The following CGA variants were observed in gnomAD, a reference collection of about 807,000 sequenced individuals.
The protein encoded by CGA is glycoprotein hormones alpha chain.
A neutral mutation model predicts 12.0 loss-of-function variants in CGA; 4 were observed. The ratio of observed to expected loss-of-function variants is 0.33; its 90% CI spans 0.16 to 0.76. CGA has a LOEUF of 0.76. CGA is among the 30% of genes least tolerant of loss of function. CGA has a pLI of 0.60. For missense variants in CGA, 102 were observed against 143.5 expected (o/e 0.71, Z 1.48); for synonymous variants, 60 against 56.6 (o/e 1.06, Z -0.27).
chr6:87,088,388 T>A lies in CGA; in HGVS notation c.-7-181A>T, dbSNP rs537698082. ...CCATGTAATTTTTTTTAAAAAAAGTTCTCCTTAGGAAAGAGATAGATAACT... is the reference window on the plus strand; with the variant it reads ...CCATGTAATTTTTTTTAAAAAAAGTACTCCTTAGGAAAGAGATAGATAACT... On this transcript the variant is annotated intron_variant, in intron 1 of 3. Coordinates refer to ENST00000627148, the MANE Select transcript of CGA (RefSeq NM_000735.4). Among the ~76,000 whole-genome samples the A allele has an allele frequency of 7.9e-5, 12 of 152,206 alleles. No homozygotes were observed. In the South Asian group the frequency reaches 2.1e-3, roughly 26 times the overall value.
At chr6:87,090,575 C>T (rs890074203) in intron 1 of CGA, among the ~76,000 whole-genome samples, 1 of 151,370 alleles carries the variant, frequency 6.6e-6, no homozygotes, top group Admixed American at 6.6e-5. Flanking sequence ...AGCATAATCA[C>T]TAAGCCATTA....
At position 87,086,233 on chromosome 6, in the gene CGA, G is replaced by T; in HGVS notation, c.273+17C>A. 6.3e-7 allele frequency: 1 copy of T among 1,596,738 alleles called. No individual in the cohort carries two copies. Among genetic ancestry groups the T allele is most frequent in the Non-Finnish European group, 8.5e-7 (1 of 1,172,088 alleles). On this transcript the variant is annotated intron_variant, in intron 3 of 3. Coordinates refer to ENST00000627148, the MANE Select transcript of CGA (RefSeq NM_000735.4). ...ATTGGGCTGTTAGAAAGCTTCTGGGGATCTTGAGGTTCTTACCCTGTTATA... is the reference window on the plus strand; with the variant it reads ...ATTGGGCTGTTAGAAAGCTTCTGGGTATCTTGAGGTTCTTACCCTGTTATA...
intron 2 of CGA, 86 bp downstream of exon 2, chr6:87,088,027 G>T: frequency 1.5e-6 from 1 of 657,764 alleles, no homozygotes; most frequent in Non-Finnish European, 2.5e-6. Flanking sequence ...TGAAAAGGTG[G>T]TAGAAATGTA....
chr6:87,093,351 C>T (rs994509163), intron 1 of CGA, among the ~76,000 whole-genome samples: 4 of 152,122 alleles, frequency 2.6e-5, no homozygotes, highest in South Asian at 2.1e-4. Context: ...TGATTCTACC[C>T]CTAAGTGCCC....
chr6:87,089,816 A>G (rs111433761), intron 1 of CGA, among the ~76,000 whole-genome samples: 10 of 152,222 alleles, frequency 6.6e-5, no homozygotes, highest in Admixed American at 5.9e-4. Flanking sequence ...TGATTACACA[A>G]GTGGAAATTT....
intron 1 of CGA, among the ~76,000 whole-genome samples, chr6:87,092,658 G>C (rs1457017238): frequency 6.6e-6 from 1 of 151,622 alleles, no homozygotes. Context: ...GCAAGTTCAG[G>C]TATTTTAAAC....
rs71553498 is a variant in CGA at position 87,088,224 on chromosome 6, CAAA to C, written c.-7-20_-7-18del. 2.8e-4 allele frequency: 122 copies of C among 436,302 alleles called. No homozygotes were observed. The highest frequency in any genetic ancestry group is 1.2e-3 in the South Asian group (20 of 16,916). The allele number at this position is 436,302 out of a possible 1,614,324, so 27.0% of individuals were successfully genotyped here. ...ATGGCGCTCCTGCAGACAGACATGG[CAAA>C]AAAAAAAAAACAAAAAACAGTTAAT... On this transcript the variant is annotated intron_variant, in intron 1 of 3. Coordinates refer to ENST00000627148, the MANE Select transcript of CGA (RefSeq NM_000735.4).
At chr6:87,093,246 A>G (rs1219365908) in intron 1 of CGA, among the ~76,000 whole-genome samples, 1 of 152,246 alleles carries the variant, frequency 6.6e-6, no homozygotes, top group Admixed American at 6.5e-5. Flanking sequence ...GCCTAGAAGT[A>G]TACCATTAAT....
At chr6:87,085,912 A>G in intron 3 of CGA, 79 bp from the exon 4 acceptor site, 2 of 1,005,528 alleles carry the variant, frequency 2.0e-6, no homozygotes, top group Non-Finnish European at 3.1e-6. Context: ...AGAATATTAC[A>G]TAAAATTGTT....
chr6:87,086,000 G>A (rs1189843468), intron 3 of CGA, 167 bp from the exon 4 acceptor site: 5 of 672,148 alleles, frequency 7.4e-6, no homozygotes, highest in South Asian at 1.9e-5. Flanking sequence ...GCACAAGTAA[G>A]CTGTACTTTC....
chr6:87,088,004 G>A (rs907340354), intron 2 of CGA, 109 bp downstream of exon 2: 2 of 537,974 alleles, frequency 3.7e-6, no homozygotes, highest in Admixed American at 3.5e-5. Context: ...CAGCAGCAAA[G>A]ACTTATTACT....
At chr6:87,089,675 T>TA (rs1769395708) in intron 1 of CGA, among the ~76,000 whole-genome samples, 1 of 152,218 alleles carries the variant, frequency 6.6e-6, no homozygotes, top group African/African-American at 2.4e-5. Flanking sequence ...ATGTTTATAT[T>TA]AACCCATAAT....
chr6:87,087,340 T>C (rs1418464863), intron 2 of CGA, among the ~76,000 whole-genome samples: 1 of 152,210 alleles, frequency 6.6e-6, no homozygotes, highest in Non-Finnish European at 1.5e-5. Context: ...TCTTCAAGCA[T>C]GGATTCTCTA....
At chr6:87,087,565 G>A (rs767162879) in intron 2 of CGA, 2 of 152,070 alleles carry the variant, frequency 1.3e-5, no homozygotes, top group African/African-American at 4.8e-5. Context: ...TAGATCACGC[G>A]CCTGCACTTG....
chr6:87,089,626 T>C (rs919738098), intron 1 of CGA, among the ~76,000 whole-genome samples: 1 of 152,204 alleles, frequency 6.6e-6, no homozygotes, highest in African/African-American at 2.4e-5. Context: ...ATGGTTATTT[T>C]TCATGTAGAC....
chr6:87,094,432 A>G (rs890407821), intron 1 of CGA, among the ~76,000 whole-genome samples: 2 of 152,252 alleles, frequency 1.3e-5, no homozygotes, highest in African/African-American at 4.8e-5. Flanking sequence ...ATTCATGAAT[A>G]ATAGCTAGAG....
Position 87,085,817 on chromosome 6 carries a change from C to T in CGA, c.290G>A (p.Gly97Asp). The T allele has an allele frequency of 1.2e-6, 2 of 1,608,146 alleles. No homozygotes were observed. Among genetic ancestry groups the T allele is most frequent in the Non-Finnish European group, 1.7e-6 (2 of 1,174,990 alleles). ...CGCCGTGTGGTTCTCCACTTTGAAA[C>T]CCCCCATTACTGTGACCTAAAGGGG... is the stretch of plus-strand genomic sequence containing the variant. ...KSYNRVTVMG[G>D]FKVENHTACH... Residue 97 changes from glycine (G) to aspartate (D), a missense_variant, in exon 4 of 4, where the codon GGT (glycine) becomes GAT (aspartate). Transcript: ENST00000627148.
In CGA at chr6:87,085,747, G is replaced by T; in HGVS notation, c.*9C>A. ...TCAGCAGTCATCAAGACAGCACTTG[G>T]TAAAACATTTAAGATTTGTGATAAT... On this transcript the variant is annotated 3_prime_UTR_variant, in exon 4 of 4. Transcript: ENST00000627148. 6.3e-7 allele frequency: 1 copy of T among 1,597,240 alleles called. No homozygotes were observed. Among genetic ancestry groups the T allele is most frequent in the Non-Finnish European group, 8.6e-7 (1 of 1,165,684 alleles).
At chr6:87,093,655 T>A (rs1434782411) in intron 1 of CGA, among the ~76,000 whole-genome samples, 1 of 152,240 alleles carries the variant, frequency 6.6e-6, no homozygotes, top group African/African-American at 2.4e-5. Context: ...GATGTGCTTT[T>A]AAGCAAGACG....
Sources: gnomAD v4.1 joint callset for allele counts (sites outside exome capture counted in the v4.1 genomes callset) on GRCh38, gnomAD v4.1.1 for gene constraint, MANE v1.5 for transcripts, NCBI Gene and HGNC (gene_info 2026-07-23, HGNC 2026-07-21) for gene names.